The following CNTN5 variants were observed in gnomAD, a reference collection of about 807,000 sequenced individuals.
CNTN5 encodes contactin-5.
A neutral mutation model predicts 129.1 loss-of-function variants in CNTN5; 77 were observed. The ratio of observed to expected loss-of-function variants is 0.60; its 90% CI spans 0.50 to 0.72. CNTN5 has a LOEUF of 0.72. Ranked by LOEUF, CNTN5 falls within the 30% of genes least tolerant of loss-of-function variation. CNTN5 has a pLI of 0.00. For synonymous variants in CNTN5, 509 were observed against 465.6 expected (o/e 1.09, Z -1.20); for missense variants, 1,478 against 1,328.8 (o/e 1.11, Z -1.75).
At chr11:99,216,268 G>C (rs1407303119) in intron 1 of CNTN5, among the ~76,000 whole-genome samples, 1 of 151,988 alleles carries the variant, frequency 6.6e-6, no homozygotes, top group African/African-American at 2.4e-5. Flanking sequence ...TCTTTGTCTG[G>C]CTTATTGTAT....
At chr11:99,783,469 G>A (rs61911576) in intron 3 of CNTN5, among the ~76,000 whole-genome samples, 9 of 45,910 alleles carry the variant, frequency 2.0e-4, no homozygotes, top group South Asian at 1.0e-3. Context: ...CCCATTACTG[G>A]GTATATACCC....
At chr11:99,569,371 T>A (rs535441921) in intron 3 of CNTN5, among the ~76,000 whole-genome samples, 4 of 152,284 alleles carry the variant, frequency 2.6e-5, no homozygotes, top group East Asian at 3.9e-4. Flanking sequence ...TGGAGGGCAG[T>A]GGCGCAATGT....
At chr11:99,768,540 TCTC>T (rs955465661) in intron 3 of CNTN5, among the ~76,000 whole-genome samples, 3 of 152,136 alleles carry the variant, frequency 2.0e-5, no homozygotes, top group African/African-American at 7.2e-5. Flanking sequence ...AGTCTATAAT[TCTC>T]CTTTGATTTA....
chr11:99,632,714 T>C (rs1407605729), intron 3 of CNTN5, among the ~76,000 whole-genome samples: 4 of 152,158 alleles, frequency 2.6e-5, no homozygotes, highest in African/African-American at 7.2e-5. Flanking sequence ...ATGGTATAGA[T>C]CCAGTAATTT....
At chr11:100,258,191 A>G (rs1299673520) in intron 17 of CNTN5, among the ~76,000 whole-genome samples, 1 of 152,178 alleles carries the variant, frequency 6.6e-6, no homozygotes, top group Non-Finnish European at 1.5e-5. Context: ...GATATCAGAA[A>G]TTGAAGATCA....
At chr11:99,796,842 T>C (rs201194649) in intron 3 of CNTN5, among the ~76,000 whole-genome samples, 1 of 152,048 alleles carries the variant, frequency 6.6e-6, no homozygotes, top group East Asian at 1.9e-4. Context: ...TTTTTTCCCC[T>C]ACTACATCTC....
chr11:99,359,556 CTTAT>C (rs1316523789), intron 2 of CNTN5, among the ~76,000 whole-genome samples: 4 of 150,470 alleles, frequency 2.7e-5, no homozygotes, highest in Non-Finnish European at 4.4e-5. Context: ...TACCTTGTTC[CTTAT>C]TTATATATGT....
intron 6 of CNTN5, among the ~76,000 whole-genome samples, chr11:99,908,201 A>C (rs182005736): frequency 6.6e-6 from 1 of 152,216 alleles, no homozygotes; most frequent in African/African-American, 2.4e-5. Flanking sequence ...CAGGGGAATA[A>C]AATGAAGGGA....
intron 8 of CNTN5, among the ~76,000 whole-genome samples, chr11:99,977,879 G>A (rs185354338): frequency 6.6e-6 from 1 of 152,270 alleles, no homozygotes; most frequent in African/African-American, 2.4e-5. Context: ...CTAAATTGTT[G>A]TTTAGGTGAA....
At chr11:99,910,858 CA>C (rs1286579806) in intron 6 of CNTN5, among the ~76,000 whole-genome samples, 1 of 151,842 alleles carries the variant, frequency 6.6e-6, no homozygotes, top group African/African-American at 2.4e-5. Flanking sequence ...GCATGGAATG[CA>C]AAAAAATTTA....
At chr11:100,327,198 A>G (rs1951806905) in intron 21 of CNTN5, among the ~76,000 whole-genome samples, 1 of 152,226 alleles carries the variant, frequency 6.6e-6, no homozygotes, top group Non-Finnish European at 1.5e-5. Flanking sequence ...CATCCTGCTT[A>G]AAAGCATTCC....
chr11:100,171,133 G>A (rs931959423), intron 13 of CNTN5, among the ~76,000 whole-genome samples: 1 of 152,000 alleles, frequency 6.6e-6, no homozygotes, highest in Non-Finnish European at 1.5e-5. Flanking sequence ...AATTGTGGAA[G>A]AGCTGTGAAT....
At chr11:99,848,037 C>T (rs1157743002) in intron 6 of CNTN5, among the ~76,000 whole-genome samples, 3 of 152,048 alleles carry the variant, frequency 2.0e-5, no homozygotes, top group African/African-American at 7.2e-5. Flanking sequence ...ACGGTGAAAC[C>T]CATCTCTACT....
intron 3 of CNTN5, among the ~76,000 whole-genome samples, chr11:99,813,436 G>A (rs1946490013): frequency 6.6e-6 from 1 of 152,150 alleles, no homozygotes; most frequent in Non-Finnish European, 1.5e-5. Context: ...CATGACAGAA[G>A]TGTGGAAATT....
chr11:99,266,491 A>G (rs919424578), intron 1 of CNTN5, among the ~76,000 whole-genome samples: 1 of 152,006 alleles, frequency 6.6e-6, no homozygotes, highest in Non-Finnish European at 1.5e-5. Flanking sequence ...ATTTCTAGCT[A>G]CTTTGGAGGC....
intron 3 of CNTN5, among the ~76,000 whole-genome samples, chr11:99,710,426 T>G (rs1695042227): frequency 6.6e-6 from 1 of 151,838 alleles, no homozygotes; most frequent in South Asian, 2.1e-4. Flanking sequence ...TAAGGGTGTG[T>G]GTCTGTTGTT....
At chr11:100,088,895 C>A (rs1200201977) in intron 13 of CNTN5, among the ~76,000 whole-genome samples, 2 of 151,962 alleles carry the variant, frequency 1.3e-5, no homozygotes, top group African/African-American at 2.4e-5. Context: ...ATGAAGCCAG[C>A]ATCACTCCAA....
At chr11:100,336,543 G>A (rs1389044962) in intron 21 of CNTN5, among the ~76,000 whole-genome samples, 1 of 152,170 alleles carries the variant, frequency 6.6e-6, no homozygotes, top group African/African-American at 2.4e-5. Flanking sequence ...ATGATAAGCT[G>A]TCTGTGCTCT....
chr11:99,690,131 T>A (rs1051957567), intron 3 of CNTN5, among the ~76,000 whole-genome samples: 1 of 152,168 alleles, frequency 6.6e-6, no homozygotes, highest in Non-Finnish European at 1.5e-5. Flanking sequence ...GGGTCCAATT[T>A]CAATTTTCTG....
Sources: allele counts gnomAD v4.1 joint callset (sites outside exome capture counted in the v4.1 genomes callset), GRCh38; gene constraint gnomAD v4.1.1; transcripts MANE v1.5; gene names NCBI Gene and HGNC (gene_info 2026-07-23, HGNC 2026-07-21).